The following SPRYD7 variants were observed in gnomAD, a reference collection of about 807,000 sequenced individuals.
SPRYD7 encodes the protein SPRY domain-containing protein 7.
Under a neutral mutation model 23.8 loss-of-function variants are expected in SPRYD7, and 14 were observed. The ratio of observed to expected loss-of-function variants is 0.59; its 90% CI spans 0.39 to 0.92. The LOEUF (loss-of-function observed/expected upper bound fraction) is 0.92, where lower values mean the gene tolerates loss of function less well. SPRYD7 is among the 40% of genes least tolerant of loss of function. The pLI is 0.00. For synonymous variants in SPRYD7, 75 were observed against 84.9 expected (o/e 0.88, Z 0.64); for missense variants, 194 against 241.7 (o/e 0.80, Z 1.31).
chr13:49,931,572 A>G (rs1014798933), intron 1 of SPRYD7, among the ~76,000 whole-genome samples: 1 of 152,238 alleles, frequency 6.6e-6, no homozygotes, highest in Non-Finnish European at 1.5e-5. Context: ...ACTTTGAAAT[A>G]TAGCTGAATT....
chr13:49,928,562 T>A (rs112656465), intron 2 of SPRYD7, among the ~76,000 whole-genome samples: 7 of 152,364 alleles, frequency 4.6e-5, no homozygotes, highest in African/African-American at 1.7e-4. Flanking sequence ...AAATCTTGAC[T>A]CTGCTACATC....
At chr13:49,921,315 T>G (rs1250119505) in intron 4 of SPRYD7, 163 bp downstream of exon 4, 2 of 462,902 alleles carry the variant, frequency 4.3e-6, no homozygotes, top group Non-Finnish European at 7.9e-6. Flanking sequence ...GTAAGTTTCC[T>G]GAGGCCTCCC....
intron 1 of SPRYD7, among the ~76,000 whole-genome samples, chr13:49,931,769 C>A (rs1050450199): frequency 6.6e-6 from 1 of 151,526 alleles, no homozygotes; most frequent in Non-Finnish European, 1.5e-5. Flanking sequence ...GGCAACCTTG[C>A]AAAACCCCAT....
chr13:49,922,134 C>G (rs1350564705), intron 3 of SPRYD7, among the ~76,000 whole-genome samples: 2 of 151,690 alleles, frequency 1.3e-5, no homozygotes, highest in Non-Finnish European at 2.9e-5. Context: ...CTGGTGTTCA[C>G]AACTGAATAA....
chr13:49,931,033 T>A lies in SPRYD7; in HGVS notation c.208A>T (p.Lys70Ter), dbSNP rs1955941620. 6.2e-7 allele frequency: 1 copy of A among 1,611,472 alleles called. No homozygotes were observed. Among genetic ancestry groups the A allele is most frequent in the African/African-American group, 1.3e-5 (1 of 74,846 alleles). ...TTATACCAACCTGTGGACTGGATTT[T>A]GAATTCAAAATAGCTTTTGTTTTGA... ...LHQNKSYFEF[K>*]IQSTGIWGIG... is the part of the protein sequence containing the mutation. The change falls in exon 2 of 5, where the codon AAA becomes TAA. Residue 70 changes from lysine to a stop codon, truncating the protein, a stop_gained. Transcript: ENST00000361840. LOFTEE classifies it high-confidence loss of function.
intron 4 of SPRYD7, among the ~76,000 whole-genome samples, chr13:49,918,720 ATT>A (rs1206280555): frequency 7.6e-6 from 1 of 131,076 alleles, no homozygotes; most frequent in Non-Finnish European, 1.7e-5. Context: ...ATTTTATTTT[ATT>A]TTTTTTTGTG....
chr13:49,917,115 C>CT (rs1566400618), intron 4 of SPRYD7, among the ~76,000 whole-genome samples: 1 of 151,524 alleles, frequency 6.6e-6, no homozygotes, highest in African/African-American at 2.4e-5. Flanking sequence ...TTGTTGTTTT[C>CT]TTTTTTGAGA....
At chr13:49,918,655 G>A (rs954942474) in intron 4 of SPRYD7, among the ~76,000 whole-genome samples, 2 of 151,796 alleles carry the variant, frequency 1.3e-5, no homozygotes, top group African/African-American at 2.4e-5. Flanking sequence ...TGGGATTACA[G>A]GCATGAGCCA....
At chr13:49,933,046 G>A (rs61960445) in intron 1 of SPRYD7, among the ~76,000 whole-genome samples, 20,728 of 152,100 alleles carry the variant, frequency 0.14, 1,495 homozygotes, top group African/African-American at 0.16. Context: ...AACTGATAAA[G>A]GTTGAATTAA....
intron 4 of SPRYD7, among the ~76,000 whole-genome samples, 175 bp downstream of exon 4, chr13:49,921,303 T>C (rs1003181207): frequency 9.9e-5 from 15 of 152,186 alleles, no homozygotes; most frequent in Admixed American, 6.6e-4. Context: ...TCCGCCATGA[T>C]TGTAAGTTTC....
rs769234557 is a variant in SPRYD7 at position 49,930,985 on chromosome 13, G to A, written c.223+33C>T. ...TTACTCTTAATATTTAGAACAATTA[G>A]GACTTTTAATAGTAAAGTACCATTA... is the stretch of plus-strand genomic sequence containing the variant. On this transcript the variant is annotated intron_variant, in intron 2 of 4. Coordinates refer to ENST00000361840, the MANE Select transcript of SPRYD7 (RefSeq NM_020456.4). 8.5e-6 allele frequency: 11 copies of A among 1,292,808 alleles called. No homozygotes were observed. In the Middle Eastern group the frequency reaches 7.5e-4, roughly 88 times the overall value. The allele number at this position is 1,292,808 out of a possible 1,614,324, so 80.1% of individuals were successfully genotyped here. A position where few individuals can be genotyped will look rare whatever the true frequency, so the allele number is the denominator to read the frequency against.
At chr13:49,924,877 G>C (rs1451872962) in intron 3 of SPRYD7, among the ~76,000 whole-genome samples, 2 of 151,456 alleles carry the variant, frequency 1.3e-5, no homozygotes, top group African/African-American at 2.4e-5. Flanking sequence ...TCAGGAGGCT[G>C]AGGCAGGAGA....
At chr13:49,922,755 T>C (rs1292127574) in intron 3 of SPRYD7, among the ~76,000 whole-genome samples, 1 of 152,044 alleles carries the variant, frequency 6.6e-6, no homozygotes, top group Non-Finnish European at 1.5e-5. Flanking sequence ...GCAAACCACT[T>C]CAAGGATTTC....
intron 3 of SPRYD7, among the ~76,000 whole-genome samples, chr13:49,924,705 G>A (rs1955859243): frequency 6.6e-6 from 1 of 151,916 alleles, no homozygotes; most frequent in South Asian, 2.1e-4. Flanking sequence ...CGGGCGTGGT[G>A]GCTCACACCT....
chr13:49,928,002 T>C lies in SPRYD7; in HGVS notation c.307A>G (p.Arg103Gly), dbSNP rs368798000. 7 of 1,614,108 alleles carry C rather than the reference T, an allele frequency of 4.3e-6. No homozygotes were observed. The African/African-American group carries it at 8.0e-5, about 18-fold the overall frequency. The change falls in exon 3 of 5, where the codon AGA becomes GGA. Residue 103 changes from arginine to glycine, a missense_variant. Physicochemically the swap from Arg to Gly is moderately radical, Grantham distance 125. Transcript: ENST00000361840. ...TTGTGGTAAAGGGCTCCATCATTTCTCATCACCAGACTGTGCATATCTCGG... is the reference window on the plus strand; with the variant it reads ...TTGTGGTAAAGGGCTCCATCATTTCCCATCACCAGACTGTGCATATCTCGG... Reference protein sequence around the residue: ...LGRDMHSLVMRNDGALYHNNE... With the variant: ...LGRDMHSLVMGNDGALYHNNE...
chr13:49,922,861 T>G (rs1955836283), intron 3 of SPRYD7, among the ~76,000 whole-genome samples: 1 of 152,052 alleles, frequency 6.6e-6, no homozygotes, highest in Non-Finnish European at 1.5e-5. Flanking sequence ...AAATTCTCTC[T>G]CTTTACAAGC....
intron 4 of SPRYD7, among the ~76,000 whole-genome samples, chr13:49,918,734 A>C (rs1259587867): frequency 2.0e-5 from 3 of 148,464 alleles, no homozygotes; most frequent in Admixed American, 6.8e-5. Context: ...TTTTTTGTGG[A>C]GACTAAGTCT....
intron 3 of SPRYD7, among the ~76,000 whole-genome samples, chr13:49,924,988 A>T (rs1185744538): frequency 2.3e-5 from 3 of 127,912 alleles, no homozygotes; most frequent in South Asian, 2.9e-4. Flanking sequence ...AAAAAAAAAA[A>T]TAAATAAATA....
At chr13:49,929,173 G>A (rs1955918322) in intron 2 of SPRYD7, among the ~76,000 whole-genome samples, 1 of 152,104 alleles carries the variant, frequency 6.6e-6, no homozygotes, top group African/African-American at 2.4e-5. Flanking sequence ...AGCTAGGCAC[G>A]GTGGCTTGAG....
Sources: gnomAD v4.1 joint callset for allele counts (sites outside exome capture counted in the v4.1 genomes callset) on GRCh38, gnomAD v4.1.1 for gene constraint, MANE v1.5 for transcripts, NCBI Gene and HGNC (gene_info 2026-07-23, HGNC 2026-07-21) for gene names.